LRMDA: variants seen among roughly 807,000 people sequenced by gnomAD.
LRMDA encodes the protein leucine-rich melanocyte differentiation-associated protein.
A neutral mutation model predicts 29.8 loss-of-function variants in LRMDA; 18 were observed. That is an observed-to-expected ratio of 0.60 (90% confidence interval 0.42 to 0.90). The LOEUF (loss-of-function observed/expected upper bound fraction) is 0.90, where lower values mean the gene tolerates loss of function less well. Among genes scored for constraint, LRMDA ranks in the 40% least tolerant of loss-of-function variants. LRMDA has a pLI of 0.00. For synonymous variants in LRMDA, 125 were observed against 109.4 expected (o/e 1.14, Z -0.89); for missense variants, 273 against 273.9 (o/e 1.00, Z 0.02).
chr10:76,018,810 C>G (rs1801779652), intron 2 of LRMDA, among the ~76,000 whole-genome samples: 1 of 152,250 alleles, frequency 6.6e-6, no homozygotes, highest in Non-Finnish European at 1.5e-5. Flanking sequence ...TCGTGATCCA[C>G]CTGTCTTGGC....
At chr10:76,348,553 T>C (rs1841137009) in intron 6 of LRMDA, among the ~76,000 whole-genome samples, 1 of 152,216 alleles carries the variant, frequency 6.6e-6, no homozygotes, top group African/African-American at 2.4e-5. Flanking sequence ...TTAAATGATA[T>C]TGACAAGGAG....
intron 2 of LRMDA, chr10:75,449,982 G>T (rs548678126): frequency 6.6e-6 from 1 of 152,254 alleles, no homozygotes; most frequent in African/African-American, 2.4e-5. Context: ...CCGTCTGAAA[G>T]GCCTCTTTCC....
intron 2 of LRMDA, among the ~76,000 whole-genome samples, chr10:75,836,000 C>G (rs1844428996): frequency 6.6e-6 from 1 of 152,134 alleles, no homozygotes; most frequent in African/African-American, 2.4e-5. Context: ...CATTATCAAG[C>G]ACAGTTTCTC....
intron 2 of LRMDA, among the ~76,000 whole-genome samples, chr10:76,010,391 C>T (rs1055647688): frequency 1.3e-5 from 2 of 151,268 alleles, no homozygotes; most frequent in Admixed American, 1.3e-4. Flanking sequence ...CAACTCACTG[C>T]AACCTCCGCC....
At chr10:75,457,882 A>G (rs1844539148) in intron 2 of LRMDA, among the ~76,000 whole-genome samples, 1 of 148,170 alleles carries the variant, frequency 6.7e-6, no homozygotes, top group South Asian at 2.2e-4. Context: ...CATTACTGCC[A>G]TTTTTTCTTT....
At chr10:76,473,470 A>G (rs1415978564) in intron 6 of LRMDA, among the ~76,000 whole-genome samples, 1 of 151,506 alleles carries the variant, frequency 6.6e-6, no homozygotes. Flanking sequence ...CAAGAAATCC[A>G]CTATCTCCAC....
intron 5 of LRMDA, among the ~76,000 whole-genome samples, chr10:76,158,551 G>A (rs72815570): frequency 0.028 from 4,321 of 152,116 alleles, 89 homozygotes; most frequent in Non-Finnish European, 0.041. Flanking sequence ...AACGTACTAC[G>A]AAGAAACAAC....
At chr10:75,618,400 ATATATATCAGACTATATATATATCAAC>A (rs1296242661) in intron 2 of LRMDA, among the ~76,000 whole-genome samples, 1 of 145,234 alleles carries the variant, frequency 6.9e-6, no homozygotes, top group Non-Finnish European at 1.5e-5. Flanking sequence ...ATATATATAT[ATATATATCAGACTATATATATATCAAC>A]TATATATGTA....
chr10:75,760,434 A>G (rs368071582), intron 2 of LRMDA, among the ~76,000 whole-genome samples: 29 of 152,246 alleles, frequency 1.9e-4, no homozygotes, highest in East Asian at 5.8e-4. Context: ...GAAGACCACT[A>G]TGGATTTTGG....
At chr10:76,236,388 A>T (rs1430681203) in intron 5 of LRMDA, among the ~76,000 whole-genome samples, 1 of 152,212 alleles carries the variant, frequency 6.6e-6, no homozygotes, top group Non-Finnish European at 1.5e-5. Context: ...CACTACAATC[A>T]TAAGGTTTAT....
intron 2 of LRMDA, among the ~76,000 whole-genome samples, chr10:76,005,964 C>T (rs1195738086): frequency 1.4e-5 from 2 of 140,048 alleles, no homozygotes; most frequent in African/African-American, 2.8e-5. Flanking sequence ...AATAAATGAA[C>T]CAGCTGAGAC....
At chr10:76,365,551 T>G (rs1480933051) in intron 6 of LRMDA, among the ~76,000 whole-genome samples, 1 of 152,238 alleles carries the variant, frequency 6.6e-6, no homozygotes, top group Non-Finnish European at 1.5e-5. Flanking sequence ...TATCTTCTTT[T>G]GAGACTTGTC....
intron 6 of LRMDA, among the ~76,000 whole-genome samples, chr10:76,516,749 A>T (rs1843065843): frequency 6.6e-6 from 1 of 152,142 alleles, no homozygotes; most frequent in Admixed American, 6.6e-5. Flanking sequence ...TCGTTGTTGG[A>T]CATTTGGGTT....
intron 6 of LRMDA, among the ~76,000 whole-genome samples, chr10:76,548,884 T>C (rs1564573634): frequency 6.6e-6 from 1 of 152,194 alleles, no homozygotes; most frequent in African/African-American, 2.4e-5. Context: ...TGGAAAGGAC[T>C]GAATGGCCCA....
chr10:75,508,118 C>T (rs1184115884), intron 2 of LRMDA, among the ~76,000 whole-genome samples: 1 of 152,212 alleles, frequency 6.6e-6, no homozygotes, highest in Non-Finnish European at 1.5e-5. Context: ...TGTAAAATTA[C>T]TTTAATAACC....
intron 5 of LRMDA, among the ~76,000 whole-genome samples, chr10:76,311,849 G>C (rs974323228): frequency 2.0e-5 from 3 of 152,098 alleles, no homozygotes; most frequent in African/African-American, 4.8e-5. Context: ...CAGTTAGCAG[G>C]GCAAGATGAC....
At chr10:75,751,827 G>C (rs2132220203) in intron 2 of LRMDA, among the ~76,000 whole-genome samples, 1 of 152,320 alleles carries the variant, frequency 6.6e-6, no homozygotes, top group South Asian at 2.1e-4. Context: ...TAGTACCTTA[G>C]TGGAGGCCTT....
At chr10:76,486,758 A>C (rs754855684) in intron 6 of LRMDA, among the ~76,000 whole-genome samples, 1 of 151,884 alleles carries the variant, frequency 6.6e-6, no homozygotes, top group Non-Finnish European at 1.5e-5. Context: ...TTTCCTAGTA[A>C]CTGTCTCAGG....
intron 2 of LRMDA, among the ~76,000 whole-genome samples, chr10:75,598,123 G>A (rs771095057): frequency 2.6e-5 from 4 of 152,156 alleles, no homozygotes; most frequent in Non-Finnish European, 4.4e-5. Context: ...GCTGTTTATT[G>A]TCTTTTAAAT....
Sources: gnomAD v4.1 joint callset for allele counts (sites outside exome capture counted in the v4.1 genomes callset) on GRCh38, gnomAD v4.1.1 for gene constraint, MANE v1.5 for transcripts, NCBI Gene and HGNC (gene_info 2026-07-23, HGNC 2026-07-21) for gene names.